Variants in DENND2C observed in about 807,000 individuals in gnomAD.
DENND2C encodes the protein DENN domain-containing protein 2C.
Under a neutral mutation model 112.4 loss-of-function variants are expected in DENND2C, and 72 were observed. The ratio of observed to expected loss-of-function variants is 0.64; its 90% CI spans 0.53 to 0.78. The LOEUF is 0.78. Among genes scored for constraint, DENND2C ranks in the 30% least tolerant of loss-of-function variants. The pLI, the probability that DENND2C is intolerant of heterozygous loss-of-function variation, is 0.00. For missense variants in DENND2C, 992 were observed against 1,113.8 expected, an observed-to-expected ratio of 0.89 and a Z score of 1.56; for synonymous variants, 329 against 381.6, an observed-to-expected ratio of 0.86 and a Z score of 1.61.
At chr1:114,660,721 T>A (rs1209093472) in intron 1 of DENND2C, among the ~76,000 whole-genome samples, 1 of 152,214 alleles carries the variant, frequency 6.6e-6, no homozygotes, top group African/African-American at 2.4e-5. Context: ...TGCTCATAAT[T>A]ATTTAATAGT....
At chr1:114,645,897 C>T (rs373461510) in intron 2 of DENND2C, among the ~76,000 whole-genome samples, 1 of 151,682 alleles carries the variant, frequency 6.6e-6, no homozygotes, top group African/African-American at 2.4e-5. Context: ...ATTTTGTCTG[C>T]AAATCATGTT....
Position 114,654,526 on chromosome 1 carries a change from C to G in DENND2C, c.-338G>C, listed in dbSNP as rs1468015065. 1 of 152,160 alleles carries G rather than the reference C, an allele frequency of 6.6e-6. No individual in the cohort carries two copies. Among genetic ancestry groups the G allele is most frequent in the African/African-American group, 2.4e-5 (1 of 41,436 alleles). 9.4% of individuals were successfully genotyped at this position (152,160 alleles called of 1,614,324 possible). ...TTACTTTTTAAAGATTCATCAAATACTTATTGAACACCCACTTCATACAGA... is the reference window on the plus strand; with the variant it reads ...TTACTTTTTAAAGATTCATCAAATAGTTATTGAACACCCACTTCATACAGA... On this transcript the variant is annotated 5_prime_UTR_variant, in exon 2 of 21. Transcript: ENST00000393274.
Position 114,625,714 on chromosome 1 carries a change from C to T in DENND2C, c.271G>A (p.Asp91Asn). The change falls in exon 4 of 21, where the codon GAT becomes AAT. Residue 91 changes from aspartate to asparagine, a missense_variant. Coordinates refer to ENST00000393274, the MANE Select transcript of DENND2C (RefSeq NM_001256404.2). The part of the protein sequence containing the change: ...LDINENTKSH[D>N]QSENENKKHE... ...TTCTTATTTTCATTCTCACTTTGAT[C>T]ATGGCTTTTGGTATTTTCATTTATA... The T allele has an allele frequency of 5.0e-6, 8 of 1,614,032 alleles. No homozygotes were observed. The highest frequency in any genetic ancestry group is 6.8e-6 in the Non-Finnish European group (8 of 1,179,992).
intron 4 of DENND2C, 44 bp from the exon 5 acceptor site, chr1:114,623,687 CTAA>C: frequency 7.3e-7 from 1 of 1,371,730 alleles, no homozygotes; most frequent in Non-Finnish European, 9.7e-7. Flanking sequence ...TTTCAAAACT[CTAA>C]TCTTTATTTT....
At chr1:114,601,654 T>C in intron 12 of DENND2C, 69 bp from the exon 13 acceptor site, 1 of 1,380,528 alleles carries the variant, frequency 7.2e-7, no homozygotes, top group Non-Finnish European at 1.0e-6. Flanking sequence ...TAATTTGGAC[T>C]ATTAATTATC....
intron 3 of DENND2C, among the ~76,000 whole-genome samples, chr1:114,645,235 C>G (rs754786653): frequency 9.9e-5 from 15 of 152,136 alleles, no homozygotes; most frequent in Non-Finnish European, 2.1e-4. Context: ...TAACCCCCAG[C>G]ACCTCAGAAT....
chr1:114,641,218 A>T (rs980770380), intron 3 of DENND2C, among the ~76,000 whole-genome samples: 1 of 149,046 alleles, frequency 6.7e-6, no homozygotes, highest in Admixed American at 6.9e-5. Context: ...GAATTGCTTG[A>T]GCCCAAGAGA....
At chr1:114,617,557 C>T (rs1656008419) in intron 8 of DENND2C, among the ~76,000 whole-genome samples, 1 of 152,050 alleles carries the variant, frequency 6.6e-6, no homozygotes, top group Admixed American at 6.5e-5. Flanking sequence ...ATCTGCCTGC[C>T]TCAGCCTCCC....
At chr1:114,634,615 A>C (rs913882257) in intron 3 of DENND2C, among the ~76,000 whole-genome samples, 18 of 152,246 alleles carry the variant, frequency 1.2e-4, no homozygotes, top group Non-Finnish European at 1.9e-4. Flanking sequence ...CCAAAATGGA[A>C]CTGAAAGAGA....
chr1:114,623,444 A>G, intron 5 of DENND2C, 63 bp downstream of exon 5: 1 of 1,509,472 alleles, frequency 6.6e-7, no homozygotes, highest in Non-Finnish European at 9.0e-7. Flanking sequence ...ATACCATCCT[A>G]CAATTAAGGG....
chr1:114,607,380 G>A (rs903721295), intron 10 of DENND2C, among the ~76,000 whole-genome samples: 34 of 152,320 alleles, frequency 2.2e-4, no homozygotes, highest in Admixed American at 6.5e-4. Context: ...CTGAAGTCCT[G>A]CTCCTTATTA....
At chr1:114,658,967 T>C (rs1004960182) in intron 1 of DENND2C, among the ~76,000 whole-genome samples, 2 of 152,150 alleles carry the variant, frequency 1.3e-5, no homozygotes, top group African/African-American at 4.8e-5. Flanking sequence ...CATTCTCTTT[T>C]TGGAGTGCAC....
At chr1:114,603,126 A>G (rs1225629392) in intron 11 of DENND2C, among the ~76,000 whole-genome samples, 1 of 139,772 alleles carries the variant, frequency 7.2e-6, no homozygotes, top group East Asian at 2.0e-4. Flanking sequence ...CTCAGACTCA[A>G]TAATCAAATA....
intron 3 of DENND2C, among the ~76,000 whole-genome samples, chr1:114,634,580 C>T (rs184386946): frequency 6.6e-6 from 1 of 152,212 alleles, no homozygotes; most frequent in African/African-American, 2.4e-5. Context: ...AAAAGACTGA[C>T]ATCATACTGA....
intron 8 of DENND2C, among the ~76,000 whole-genome samples, chr1:114,611,813 A>ACC (rs1365367638): frequency 7.6e-6 from 1 of 131,722 alleles, no homozygotes; most frequent in East Asian, 2.3e-4. Flanking sequence ...ACACACACAC[A>ACC]CACAAAGCAG....
At chr1:114,630,530 C>T (rs1204845856) in intron 3 of DENND2C, among the ~76,000 whole-genome samples, 1 of 152,084 alleles carries the variant, frequency 6.6e-6, no homozygotes, top group Non-Finnish European at 1.5e-5. Context: ...TATGATGGCC[C>T]AGCTTTCTCC....
intron 18 of DENND2C, among the ~76,000 whole-genome samples, chr1:114,591,273 T>G (rs1217032093): frequency 6.6e-6 from 1 of 152,126 alleles, no homozygotes; most frequent in East Asian, 1.9e-4. Flanking sequence ...TGGACAGATT[T>G]TTTAGTTTTT....
At chr1:114,669,549 A>C (rs1186451050) in intron 1 of DENND2C, among the ~76,000 whole-genome samples, 1 of 152,136 alleles carries the variant, frequency 6.6e-6, no homozygotes, top group South Asian at 2.1e-4. Flanking sequence ...AAAAAAGCAA[A>C]ATATTGTTTG....
intron 8 of DENND2C, 107 bp downstream of exon 8, chr1:114,618,279 C>T (rs576259078): frequency 2.3e-5 from 16 of 682,266 alleles, no homozygotes; most frequent in Middle Eastern, 5.9e-4. Context: ...TGAGCCACCA[C>T]GCCCGGCCCC....
Sources: allele counts gnomAD v4.1 joint callset (sites outside exome capture counted in the v4.1 genomes callset), GRCh38; gene constraint gnomAD v4.1.1; transcripts MANE v1.5; gene names NCBI Gene and HGNC (gene_info 2026-07-23, HGNC 2026-07-21).